MTHFD1: variants seen among roughly 807,000 people sequenced by gnomAD.
MTHFD1 encodes methylenetetrahydrofolate dehydrogenase, cyclohydrolase and formyltetrahydrofolate synthetase 1, also known as C-1-tetrahydrofolate synthase, cytoplasmic.
A neutral mutation model predicts 110.3 loss-of-function variants in MTHFD1; 44 were observed. That is an observed-to-expected ratio of 0.40 (90% confidence interval 0.31 to 0.51). The LOEUF (loss-of-function observed/expected upper bound fraction) is 0.51. Ranked by LOEUF, MTHFD1 falls within the 20% of genes least tolerant of loss-of-function variation. MTHFD1 has a pLI of 0.60. For synonymous variants in MTHFD1, 402 were observed against 428.8 expected, an observed-to-expected ratio of 0.94 and a Z score of 0.77; for missense variants, 909 against 1,173.1, an observed-to-expected ratio of 0.77 and a Z score of 3.29.
chr14:64,426,900 G>T (rs989788633), intron 11 of MTHFD1, among the ~76,000 whole-genome samples: 1 of 152,148 alleles, frequency 6.6e-6, no homozygotes, highest in Non-Finnish European at 1.5e-5. Context: ...AATTATAGCC[G>T]TGTCTCTACA....
chr14:64,391,207 C>T, intron 1 of MTHFD1, among the ~76,000 whole-genome samples: 1 of 152,096 alleles, frequency 6.6e-6, no homozygotes, highest in Non-Finnish European at 1.5e-5. Context: ...CTCTGTTGCT[C>T]AGGCTGGAGT....
At chr14:64,391,696 G>A (rs2077806824) in intron 1 of MTHFD1, among the ~76,000 whole-genome samples, 1 of 152,224 alleles carries the variant, frequency 6.6e-6, no homozygotes, top group African/African-American at 2.4e-5. Context: ...TTCTTTGGAA[G>A]TAACAGCCCC....
At chr14:64,405,265 G>T (rs940337882) in intron 2 of MTHFD1, among the ~76,000 whole-genome samples, 1 of 152,002 alleles carries the variant, frequency 6.6e-6, no homozygotes, top group Non-Finnish European at 1.5e-5. Flanking sequence ...GCAACATTGG[G>T]GGTGTTTTTT....
intron 11 of MTHFD1, 78 bp from the exon 12 acceptor site, chr14:64,427,258 AG>A: frequency 2.0e-6 from 3 of 1,480,132 alleles, no homozygotes; most frequent in Non-Finnish European, 2.8e-6. Context: ...GTCATTCTCT[AG>A]GATCTGCTAG....
chr14:64,392,410 G>A (rs1417256065), intron 1 of MTHFD1, among the ~76,000 whole-genome samples: 1 of 152,194 alleles, frequency 6.6e-6, no homozygotes, highest in African/African-American at 2.4e-5. Context: ...TCAAAGGGGG[G>A]CTTACTACAT....
intron 1 of MTHFD1, among the ~76,000 whole-genome samples, chr14:64,390,801 AC>A (rs1014040607): frequency 7.2e-5 from 11 of 152,058 alleles, no homozygotes; most frequent in African/African-American, 2.4e-4. Context: ...GGTGTGTGCC[AC>A]CCCGTCCGGC....
chr14:64,409,893 C>T (rs191246810), intron 2 of MTHFD1, among the ~76,000 whole-genome samples: 116 of 152,182 alleles, frequency 7.6e-4, no homozygotes, highest in African/African-American at 2.6e-3. Context: ...GTTACAAAAG[C>T]CGGCTTCTTT....
rs552352732 is a variant in MTHFD1, at chr14:64,399,668, A to G, written c.42-1125A>G. ...CGAGTCCCCATCTCAAAAAAAAAAAAAAAAAAAAGAAAAAAGAAAAAGATT... is the reference window on the plus strand; with the variant it reads ...CGAGTCCCCATCTCAAAAAAAAAAAGAAAAAAAAGAAAAAAGAAAAAGATT... On this transcript the variant is annotated intron_variant, in intron 1 of 27. Transcript: ENST00000652337. Among the ~76,000 whole-genome samples, 190 of 151,984 alleles carry G rather than the reference A, an allele frequency of 1.3e-3. 1 individual carries two copies. The highest frequency in any genetic ancestry group is 4.1e-3 in the African/African-American group (172 of 41,490).
intron 22 of MTHFD1, 45 bp from the exon 23 acceptor site, chr14:64,448,172 T>G: frequency 1.4e-6 from 2 of 1,445,520 alleles, no homozygotes; most frequent in Non-Finnish European, 1.9e-6. Context: ...CTGCAGTGGT[T>G]TTCAACTCTC....
intron 1 of MTHFD1, among the ~76,000 whole-genome samples, chr14:64,395,470 C>G (rs2077840273): frequency 6.6e-6 from 1 of 152,166 alleles, no homozygotes. Flanking sequence ...TTCAGGAATC[C>G]TACCACACTT....
intron 22 of MTHFD1, among the ~76,000 whole-genome samples, chr14:64,446,783 C>T (rs2078292430): frequency 6.6e-6 from 1 of 152,150 alleles, no homozygotes; most frequent in Non-Finnish European, 1.5e-5. Flanking sequence ...ACCTCGTGTT[C>T]CACCCGCCTC....
chr14:64,430,015 A>G (rs906474561), intron 12 of MTHFD1, among the ~76,000 whole-genome samples, 169 bp from the exon 13 acceptor site: 3 of 152,214 alleles, frequency 2.0e-5, no homozygotes, highest in South Asian at 2.1e-4. Context: ...TCAGATTTCA[A>G]TTGAGAGACT....
chr14:64,437,519 T>C (rs936266480), intron 16 of MTHFD1, among the ~76,000 whole-genome samples: 59 of 152,230 alleles, frequency 3.9e-4, no homozygotes, highest in Admixed American at 3.3e-3. Context: ...CCAGTGGATA[T>C]TGACTGAGTA....
rs1397338599 is a variant in MTHFD1, at chr14:64,415,619, A to T, written c.378-20A>T. 6.2e-7 allele frequency: 1 copy of T among 1,613,066 alleles called. No homozygotes were observed. Among genetic ancestry groups the T allele is most frequent in the Non-Finnish European group, 8.5e-7 (1 of 1,179,090 alleles). On this transcript the variant is annotated intron_variant, in intron 5 of 27. Coordinates refer to ENST00000652337, the MANE Select transcript of MTHFD1 (RefSeq NM_005956.4). ...ATCTAATTGCCTTTATTTCCTTCTT[A>T]TTTCCATCACTTTTTTAAGATTGAC...
intron 8 of MTHFD1, among the ~76,000 whole-genome samples, chr14:64,421,543 A>G (rs1029248474): frequency 6.6e-6 from 1 of 152,190 alleles, no homozygotes; most frequent in Admixed American, 6.5e-5. Context: ...GCGATAAAGA[A>G]ATTGCTCTCC....
chr14:64,442,519 G>C (rs1457464359), intron 21 of MTHFD1, 117 bp downstream of exon 21: 21 of 1,095,048 alleles, frequency 1.9e-5, no homozygotes, highest in Non-Finnish European at 2.6e-5. Context: ...TTAACAGGCA[G>C]CAAAAGCAAG....
intron 16 of MTHFD1, among the ~76,000 whole-genome samples, chr14:64,438,805 T>A (rs2078225675): frequency 6.6e-6 from 1 of 152,214 alleles, no homozygotes; most frequent in African/African-American, 2.4e-5. Flanking sequence ...TTTTCTTATA[T>A]GTGGAATATG....
chr14:64,406,058 G>C (rs1351418601), intron 2 of MTHFD1, among the ~76,000 whole-genome samples: 1 of 144,914 alleles, frequency 6.9e-6, no homozygotes, highest in African/African-American at 2.6e-5. Context: ...TTTTTTTTGA[G>C]ACTGAGTTTT....
At position 64,437,247 on chromosome 14, in the gene MTHFD1, C is replaced by A. The variant is rs1001578571; in HGVS notation, c.1597+1576C>A. Among the ~76,000 whole-genome samples the A allele has an allele frequency of 2.6e-5, 4 of 151,978 alleles. No homozygotes were observed. The East Asian group carries it at 7.7e-4, about 29-fold the overall frequency. ...CAAAATATATAGGCAAATTTGTACT[C>A]TGTGAGCTTCTCACATCCTTACACT... On this transcript the variant is annotated intron_variant, in intron 16 of 27. Transcript: ENST00000652337.
Sources: allele counts gnomAD v4.1 joint callset (sites outside exome capture counted in the v4.1 genomes callset), GRCh38; gene constraint gnomAD v4.1.1; transcripts MANE v1.5; gene names NCBI Gene and HGNC (gene_info 2026-07-23, HGNC 2026-07-21).